The following DCHS1 variants were observed in gnomAD, a reference collection of about 807,000 sequenced individuals.
The protein encoded by DCHS1 is dachsous cadherin-related 1, also known as protocadherin-16.
DCHS1 carries 78 observed loss-of-function variants against 213.9 expected under a neutral mutation model. That is an observed-to-expected ratio of 0.36 (90% CI 0.30 to 0.44). The LOEUF (loss-of-function observed/expected upper bound fraction) is 0.44, where lower values mean the gene tolerates loss of function less well. Among genes scored for constraint, DCHS1 ranks in the 20% least tolerant of loss-of-function variants. DCHS1 has a pLI of 1.00. For synonymous variants in DCHS1, 1,828 were observed against 1,873.7 expected (o/e 0.98, Z 0.63); for missense variants, 3,946 against 4,395.9 (o/e 0.90, Z 2.89).
At chr11:6,631,556 A>G (rs1713846720) in intron 7 of DCHS1, 60 bp downstream of exon 7, 12 of 1,552,450 alleles carry the variant, frequency 7.7e-6, no homozygotes, top group South Asian at 2.4e-5. Context: ...CTACAGCTCT[A>G]TGGGGAGATC....
chr11:6,639,675 T>G, intron 2 of DCHS1, 142 bp downstream of exon 2: 1 of 702,076 alleles, frequency 1.4e-6, no homozygotes, highest in Non-Finnish European at 2.3e-6. Context: ...GCACAGATTT[T>G]GGAGCTTACA....
Position 6,627,224 on chromosome 11 carries a change from G to A in DCHS1, c.5815C>T (p.Pro1939Ser), listed in dbSNP as rs1269879164. The A allele has an allele frequency of 1.2e-6, 2 of 1,613,202 alleles. No individual in the cohort carries two copies. The highest frequency in any genetic ancestry group is 1.3e-5 in the African/African-American group (1 of 75,016). ...VSAVDGAAAG[P>S]LSTTVSVTIT... The stretch of plus-strand genomic sequence containing the variant: ...GTGACAGACACTGTGGTGCTTAGGG[G>A]CCCAGCAGCTGCACCATCCACTGCA... Residue 1939 changes from proline to serine, a missense_variant, in exon 14 of 21, where the codon CCC becomes TCC. By Grantham distance (74) the Pro-to-Ser change is moderately conservative. This residue lies in a region of DCHS1 where 3,384 missense variants were observed against 3,780.1 expected (regional missense o/e 0.90). Coordinates refer to ENST00000299441, the MANE Select transcript of DCHS1 (RefSeq NM_003737.4). The surrounding 1 kb of genome is among the most constrained non-coding windows in gnomAD (Gnocchi z 5.4).
intron 1 of DCHS1, among the ~76,000 whole-genome samples, chr11:6,649,341 C>G (rs549354456): frequency 6.6e-6 from 1 of 151,680 alleles, no homozygotes; most frequent in African/African-American, 2.4e-5. Flanking sequence ...GGAGAATGAT[C>G]AAAGTTCTGT....
In DCHS1 at chr11:6,645,633, A is replaced by G. The variant is rs141920608; in HGVS notation, c.-120-3900T>C. On this transcript the variant is annotated intron_variant, in intron 1 of 20. Transcript: ENST00000299441. The stretch of plus-strand genomic sequence containing the variant: ...CTATGAATGGTTTGAGATAAATCTC[A>G]GGTGAATGATCAGACTTCAAGAGGA... Among the ~76,000 whole-genome samples the G allele has an allele frequency of 3.7e-4, 57 of 152,330 alleles. No individual in the cohort carries two copies. The East Asian group carries it at 0.01, about 27-fold the overall frequency.
chr11:6,634,329 G>T, intron 2 of DCHS1, 23 bp from the exon 3 acceptor site: 1 of 1,553,474 alleles, frequency 6.4e-7, no homozygotes, highest in Non-Finnish European at 8.7e-7. Flanking sequence ...TGGGGTGAGT[G>T]GTGTCCCCTC....
At chr11:6,645,065 C>A (rs1391495867) in intron 1 of DCHS1, among the ~76,000 whole-genome samples, 2 of 152,232 alleles carry the variant, frequency 1.3e-5, no homozygotes, top group Non-Finnish European at 2.9e-5. Flanking sequence ...ATGCTGACAC[C>A]TATCCTGTGG....
intron 1 of DCHS1, among the ~76,000 whole-genome samples, chr11:6,646,946 G>A (rs1278241337): frequency 6.6e-6 from 1 of 152,094 alleles, no homozygotes; most frequent in Non-Finnish European, 1.5e-5. Context: ...ACAAGGGAAG[G>A]GGGTGCTCCA....
intron 1 of DCHS1, among the ~76,000 whole-genome samples, chr11:6,650,238 A>G (rs1856224007): frequency 6.6e-6 from 1 of 152,218 alleles, no homozygotes; most frequent in South Asian, 2.1e-4. Context: ...TAACAAGGAC[A>G]CTGCAGCATA....
chr11:6,626,679 G>C lies in DCHS1; in HGVS notation c.6251-14C>G, dbSNP rs201410157. 1.2e-6 allele frequency: 2 copies of C among 1,613,036 alleles called. No homozygotes were observed. The highest frequency in any genetic ancestry group is 1.7e-6 in the Non-Finnish European group (2 of 1,179,314). On this transcript the variant is annotated splice_polypyrimidine_tract_variant and intron_variant, in intron 14 of 20. Coordinates refer to ENST00000299441, the MANE Select transcript of DCHS1 (RefSeq NM_003737.4). This position sits in a 1 kb window ranked among gnomAD's most constrained non-coding sequence, Gnocchi z 5.2. ...CAATAGGAGTCCCTGCAGAAAGAACGGTATTGTTGGACTGTGAGCGCGAGA... is the reference window on the plus strand; with the variant it reads ...CAATAGGAGTCCCTGCAGAAAGAACCGTATTGTTGGACTGTGAGCGCGAGA...
chr11:6,652,450 G>C (rs913942599), intron 1 of DCHS1, among the ~76,000 whole-genome samples: 1 of 152,228 alleles, frequency 6.6e-6, no homozygotes, highest in African/African-American at 2.4e-5. Flanking sequence ...AAGTGAGGAA[G>C]CCTCTTAGTT....
rs1173478288 is a variant in DCHS1, at chr11:6,622,624, G to C, written c.9052C>G (p.Pro3018Ala). The C allele has an allele frequency of 1.1e-5, 17 of 1,584,806 alleles. No homozygotes were observed. The highest frequency in any genetic ancestry group is 1.5e-5 in the Non-Finnish European group (17 of 1,165,946). Residue 3018 changes from proline to alanine, a missense_variant, in exon 21 of 21, where the codon CCC (proline) becomes GCC (alanine). By Grantham distance (27) the Pro-to-Ala change is conservative. Around this residue, in one of 3 missense-constraint regions of DCHS1, gnomAD observed 554 missense variants for 590.2 expected, o/e 0.94. Coordinates refer to ENST00000299441, the MANE Select transcript of DCHS1 (RefSeq NM_003737.4). This position sits in a 1 kb window ranked among gnomAD's most constrained non-coding sequence, Gnocchi z 5.4. ...PSYGGPGAGG[P>A]YPRGGSLDPS... The stretch of plus-strand genomic sequence containing the variant: ...TCCAAGGAGCCACCACGGGGGTAGG[G>C]TCCTCCAGCTCCTGGCCCACCATAG...
chr11:6,636,352 G>A (rs1195773198), intron 2 of DCHS1, among the ~76,000 whole-genome samples: 4 of 152,142 alleles, frequency 2.6e-5, no homozygotes, highest in Admixed American at 1.3e-4. Context: ...TAGGACTACA[G>A]GCGTGCACCA....
rs758898889 is a variant in DCHS1, at chr11:6,633,586, C to T, written c.2281G>A (p.Gly761Arg). Residue 761 changes from glycine (G) to arginine (R), a missense_variant, in exon 5 of 21, where the codon GGG becomes AGG. Gly to Arg is a moderately radical substitution (Grantham distance 125, BLOSUM62 -2). Transcript: ENST00000299441. Reference protein sequence around the residue: ...RANSVVQLEIGAEDGGGLQAE... With the variant: ...RANSVVQLEIRAEDGGGLQAE... ...TGTAGGCCACCTCCGTCCTCAGCCC[C>T]GATCTCCAGCTGCACCACAGAATTG... is the stretch of plus-strand genomic sequence containing the variant. 1.0e-5 allele frequency: 16 copies of T among 1,595,512 alleles called. No homozygotes were observed. The South Asian group carries it at 1.0e-4, about 10-fold the overall frequency.
At chr11:6,636,531 G>A (rs1855988000) in intron 2 of DCHS1, among the ~76,000 whole-genome samples, 1 of 151,968 alleles carries the variant, frequency 6.6e-6, no homozygotes, top group Non-Finnish European at 1.5e-5. Context: ...TTTAAGACAG[G>A]CTCTCACTAT....
chr11:6,649,446 AG>A (rs1856213431), intron 1 of DCHS1, among the ~76,000 whole-genome samples: 1 of 151,896 alleles, frequency 6.6e-6, no homozygotes, highest in Admixed American at 6.6e-5. Context: ...GCATGGGGGC[AG>A]GTGGTAAGAG....
In DCHS1 at chr11:6,626,037, T is replaced by G; in HGVS notation, c.6614A>C (p.Gln2205Pro). 1 of 1,612,056 alleles carries G rather than the reference T, an allele frequency of 6.2e-7. No individual in the cohort carries two copies. Among genetic ancestry groups the G allele is most frequent in the Non-Finnish European group, 8.5e-7 (1 of 1,179,076 alleles). ...ADDLDQGSGG[Q>P]ISYSLAASQP... ...GGATGCAGCCAGACTGTAGGAAATC[T>G]GTCCTCCAGAGCCTTGATCCAGGTC... Residue 2205 changes from glutamine (Q) to proline (P), a missense_variant, in exon 17 of 21, where the codon CAG (glutamine) becomes CCG (proline). Around this residue, in one of 3 missense-constraint regions of DCHS1, gnomAD observed 3,384 missense variants for 3,780.1 expected, o/e 0.90. Coordinates refer to ENST00000299441, the MANE Select transcript of DCHS1 (RefSeq NM_003737.4). The surrounding 1 kb of genome is among the most constrained non-coding windows in gnomAD (Gnocchi z 5.2).
Position 6,622,380 on chromosome 11 carries a change from A to G in DCHS1, c.9296T>C (p.Leu3099Pro), listed in dbSNP as rs1564858145. Reference protein sequence around the residue: ...WYKGRKAGLLLPGAGATLYRE... With the variant: ...WYKGRKAGLLPPGAGATLYRE... ...GTAGAGAGTGGCTCCTGCACCTGGC[A>G]GCAGCAGCCCTGCCTTTCGGCCCTT... is the stretch of plus-strand genomic sequence containing the variant. The change falls in exon 21 of 21, where the codon CTG (leucine) becomes CCG (proline). Residue 3099 changes from leucine to proline, a missense_variant. Transcript: ENST00000299441. The surrounding 1 kb of genome is among the most constrained non-coding windows in gnomAD (Gnocchi z 5.4). 1 of 1,565,710 alleles carries G rather than the reference A, an allele frequency of 6.4e-7. No individual in the cohort carries two copies. Among genetic ancestry groups the G allele is most frequent in the East Asian group, 2.3e-5 (1 of 42,802 alleles).
intron 1 of DCHS1, among the ~76,000 whole-genome samples, chr11:6,654,801 C>T (rs541669673): frequency 2.6e-5 from 4 of 152,248 alleles, no homozygotes; most frequent in Non-Finnish European, 5.9e-5. Flanking sequence ...TGGCCTATGA[C>T]CTTGTGGCTG....
Position 6,626,848 on chromosome 11 carries a change from C to A in DCHS1, c.6191G>T (p.Arg2064Leu), listed in dbSNP as rs767741861. 2 of 1,613,260 alleles carry A rather than the reference C, an allele frequency of 1.2e-6. No individual in the cohort carries two copies. Among genetic ancestry groups the A allele is most frequent in the Non-Finnish European group, 1.7e-6 (2 of 1,179,878 alleles). ...GCTAGCCCGGGGAAAGCGGGGTCCA[C>A]GCTCAGCTTCCCCCTGCAGTCCAAC... ...IIVGLQGEAE[R>L]GPRFPRASSE... The change falls in exon 14 of 21, where the codon CGT becomes CTT. Residue 2064 changes from arginine to leucine, a missense_variant. Transcript: ENST00000299441. This position sits in a 1 kb window ranked among gnomAD's most constrained non-coding sequence, Gnocchi z 5.2.
Sources: allele counts gnomAD v4.1 joint callset (sites outside exome capture counted in the v4.1 genomes callset), GRCh38; gene constraint gnomAD v4.1.1; regional missense constraint gnomAD v4.1.1; non-coding constraint Gnocchi (gnomAD v3.1); transcripts MANE v1.5; gene names NCBI Gene and HGNC (gene_info 2026-07-23, HGNC 2026-07-21).